The following CALHM3 variants were observed in gnomAD, a reference collection of about 807,000 sequenced individuals.
The protein encoded by CALHM3 is calcium homeostasis modulator 3, also known as calcium homeostasis modulator protein 3.
A neutral mutation model predicts 13.6 loss-of-function variants in CALHM3; 9 were observed. The observed-to-expected ratio is 0.66, with a 90% CI of 0.40 to 1.15. The LOEUF (loss-of-function observed/expected upper bound fraction) is 1.15, where lower values mean the gene tolerates loss of function less well. Ranked by LOEUF, CALHM3 falls within the 50% of genes most tolerant of loss-of-function variation. CALHM3 has a pLI of 0.01. For missense variants in CALHM3, 497 were observed against 463.4 expected, an observed-to-expected ratio of 1.07 and a Z score of -0.67; for synonymous variants, 231 against 213.2, an observed-to-expected ratio of 1.08 and a Z score of -0.73.
In CALHM3 at chr10:103,473,539, C is replaced by G. The variant is rs1296336998; in HGVS notation, c.709G>C (p.Asp237His). 3 of 1,551,186 alleles carry G rather than the reference C, an allele frequency of 1.9e-6. No homozygotes were observed. Among genetic ancestry groups the G allele is most frequent in the Admixed American group, 3.9e-5 (2 of 51,016 alleles). ...TGCAGCACGCAGCGGTGCGCGAAGT[C>G]CCGCGCATGCTCACAGCAGGTCTCG... The part of the protein sequence containing the change: ...FDETCCEHAR[D>H]FAHRCVLHFF... Residue 237 changes from aspartate (D) to histidine (H), a missense_variant, in exon 3 of 3, where the codon GAC (aspartate) becomes CAC (histidine). Transcript: ENST00000369783.
chr10:103,478,767 C>G lies in CALHM3; in HGVS notation c.266G>C (p.Arg89Thr). 1 of 1,540,310 alleles carries G rather than the reference C, an allele frequency of 6.5e-7. No individual in the cohort carries two copies. Among genetic ancestry groups the G allele is most frequent in the South Asian group, 1.2e-5 (1 of 82,036 alleles). ...EEWRRPAGHRRKDPGIIRYMC... is the reference protein window; with the variant it reads ...EEWRRPAGHRTKDPGIIRYMC... ...GCACCTGATGATGCCTGGGTCCTTCCTCCGGTGCCCTGCGGGCCGGCGCCA... is the reference window on the plus strand; with the variant it reads ...GCACCTGATGATGCCTGGGTCCTTCGTCCGGTGCCCTGCGGGCCGGCGCCA... The change falls in exon 1 of 3, where the codon AGG (arginine) becomes ACG (threonine). Residue 89 changes from arginine (R) to threonine (T), a missense_variant. Arg to Thr is a moderately conservative substitution (Grantham distance 71, BLOSUM62 -1). Coordinates refer to ENST00000369783, the MANE Select transcript of CALHM3 (RefSeq NM_001129742.2).
intron 2 of CALHM3, among the ~76,000 whole-genome samples, chr10:103,475,230 T>A (rs980967015): frequency 6.6e-6 from 1 of 152,198 alleles, no homozygotes; most frequent in African/African-American, 2.4e-5. Context: ...CAGGGACATA[T>A]TTGAATCCTT....
At position 103,479,136 on chromosome 10, in the gene CALHM3, G is replaced by C; in HGVS notation, c.-104C>G. 3.1e-6 allele frequency: 4 copies of C among 1,298,872 alleles called. No individual in the cohort carries two copies. The highest frequency in any genetic ancestry group is 4.2e-6 in the Non-Finnish European group (4 of 959,592). 80.5% of individuals were successfully genotyped at this position (1,298,872 alleles called of 1,614,324 possible). A position where few individuals can be genotyped will look rare whatever the true frequency, so the allele number is the denominator to read the frequency against. On this transcript the variant is annotated 5_prime_UTR_variant, in exon 1 of 3. Coordinates refer to ENST00000369783, the MANE Select transcript of CALHM3 (RefSeq NM_001129742.2). ...GGGGACGAGCCTGGGATCTGCAAGA[G>C]GTTCTCTCTCTGCTTCCAAGGGCCT...
chr10:103,473,545 C>G lies in CALHM3; in HGVS notation c.703G>C (p.Ala235Pro). 1 of 1,551,232 alleles carries G rather than the reference C, an allele frequency of 6.4e-7. No homozygotes were observed. The highest frequency in any genetic ancestry group is 2.4e-5 in the East Asian group (1 of 40,922). ...KLFDETCCEH[A>P]RDFAHRCVLH... ...ACGCAGCGGTGCGCGAAGTCCCGCG[C>G]ATGCTCACAGCAGGTCTCGTCGAAG... Residue 235 changes from alanine to proline, a missense_variant, in exon 3 of 3, where the codon GCG (alanine) becomes CCG (proline). Ala to Pro is a conservative substitution (Grantham distance 27). Transcript: ENST00000369783.
chr10:103,474,638 A>G (rs957912385), intron 2 of CALHM3, among the ~76,000 whole-genome samples: 1 of 152,214 alleles, frequency 6.6e-6, no homozygotes, highest in African/African-American at 2.4e-5. Context: ...TATTTTTAGT[A>G]GAGACGAGGT....
chr10:103,476,152 AG>A, intron 2 of CALHM3, 141 bp downstream of exon 2: 8 of 1,099,130 alleles, frequency 7.3e-6, no homozygotes, highest in Non-Finnish European at 1.0e-5. Context: ...AAGGCAGAGC[AG>A]TGGTCTCCAG....
Position 103,476,315 on chromosome 10 carries a change from G to A in CALHM3, c.522C>T (p.Arg174=). 1 of 1,551,498 alleles carries A rather than the reference G, an allele frequency of 6.4e-7. No individual in the cohort carries two copies. The highest frequency in any genetic ancestry group is 2.4e-5 in the East Asian group (1 of 40,912). The change falls in exon 2 of 3, where the codon CGC becomes CGT. Residue 174 remains arginine (R), a synonymous_variant. Coordinates refer to ENST00000369783, the MANE Select transcript of CALHM3 (RefSeq NM_001129742.2). ...TTACCTGTGACAGGCACCGCAGGTA[G>A]CGAGACACTGCCTTCCGAGCAGGGC... ...RDSPARKAVS[R]YLRCLSQAIG...
intron 2 of CALHM3, 136 bp from the exon 3 acceptor site, chr10:103,473,840 G>T (rs2033358890): frequency 1.7e-6 from 2 of 1,143,464 alleles, no homozygotes; most frequent in Non-Finnish European, 2.4e-6. Flanking sequence ...ATTTTCCAAT[G>T]GATTCAAATA....
chr10:103,475,787 A>G (rs1280237955), intron 2 of CALHM3, among the ~76,000 whole-genome samples: 2 of 152,182 alleles, frequency 1.3e-5, no homozygotes, highest in Admixed American at 6.5e-5. Flanking sequence ...TGGAATCTGG[A>G]GTCTAGGCTG....
chr10:103,473,556 C>T lies in CALHM3; in HGVS notation c.692G>A (p.Cys231Tyr), dbSNP rs1395542514. The T allele has an allele frequency of 7.7e-6, 12 of 1,551,182 alleles. No homozygotes were observed. The highest frequency in any genetic ancestry group is 9.6e-6 in the Non-Finnish European group (11 of 1,147,032). Residue 231 changes from cysteine to tyrosine, a missense_variant, in exon 3 of 3, where the codon TGC (cysteine) becomes TAC (tyrosine). Cys to Tyr is a radical substitution (Grantham distance 194). Transcript: ENST00000369783. Reference sequence around the variant, plus strand: ...CGCGAAGTCCCGCGCATGCTCACAGCAGGTCTCGTCGAAGAGCTTCTGCTC... The same window carrying T: ...CGCGAAGTCCCGCGCATGCTCACAGTAGGTCTCGTCGAAGAGCTTCTGCTC... Reference protein sequence around the residue: ...DLEQKLFDETCCEHARDFAHR... With the variant: ...DLEQKLFDETYCEHARDFAHR...
In CALHM3 at chr10:103,473,261, G is replaced by T; in HGVS notation, c.987C>A (p.Ala329=). ...GLCGGGLSHR[A]PTLALGTRLS... ...GCCTCGTGCCCAGTGCCAAGGTAGG[G>T]GCGCGGTGGCTAAGGCCACCCCCGC... The change falls in exon 3 of 3, where the codon GCC becomes GCA. Residue 329 remains alanine, a synonymous_variant. Coordinates refer to ENST00000369783, the MANE Select transcript of CALHM3 (RefSeq NM_001129742.2). 1 of 1,449,512 alleles carries T rather than the reference G, an allele frequency of 6.9e-7. No individual in the cohort carries two copies. Among genetic ancestry groups the T allele is most frequent in the Non-Finnish European group, 9.1e-7 (1 of 1,098,216 alleles). The allele number at this position is 1,449,512 out of a possible 1,614,324, so 89.8% of individuals were successfully genotyped here. A position where few individuals can be genotyped will look rare whatever the true frequency, so the allele number is the denominator to read the frequency against.
In CALHM3 at chr10:103,473,393, C is replaced by T; in HGVS notation, c.855G>A (p.Gly285=). 6.7e-7 allele frequency: 1 copy of T among 1,487,782 alleles called. No individual in the cohort carries two copies. The allele number at this position is 1,487,782 out of a possible 1,614,324, so 92.2% of individuals were successfully genotyped here. Residue 285 remains glycine (G), a synonymous_variant, in exon 3 of 3, where the codon GGG becomes GGA. Coordinates refer to ENST00000369783, the MANE Select transcript of CALHM3 (RefSeq NM_001129742.2). ...TGGAGATTGCGCGCAGGTGGGCCTT[C>T]CCACTTCCACTATCCAGGCCTTCTG... ...EPPEGLDSGS[G]KAHLRAISSR...
rs1242939594 is a variant in CALHM3, at chr10:103,472,820, T to G, written c.*393A>C. The G allele has an allele frequency of 2.2e-5, 4 of 185,332 alleles. No individual in the cohort carries two copies. Among genetic ancestry groups the G allele is most frequent in the Non-Finnish European group, 4.4e-5 (4 of 90,848 alleles). The allele number at this position is 185,332 out of a possible 1,614,324, so 11.5% of individuals were successfully genotyped here. ...AAATGAAACTATCGAGGCAGCAGAC[T>G]AAGGTCATTATTATTATTTAGAATT... On this transcript the variant is annotated 3_prime_UTR_variant, in exon 3 of 3. Transcript: ENST00000369783.
Position 103,476,404 on chromosome 10 carries a change from G to C in CALHM3, c.433C>G (p.Pro145Ala). The change falls in exon 2 of 3, where the codon CCC (proline) becomes GCC (alanine). Residue 145 changes from proline to alanine, a missense_variant. Coordinates refer to ENST00000369783, the MANE Select transcript of CALHM3 (RefSeq NM_001129742.2). ...GCCAGGAAGAGCTGTACCTGGCTGGGGGTCATGTTGGCAAAGTCCAGAAAC... is the reference window on the plus strand; with the variant it reads ...GCCAGGAAGAGCTGTACCTGGCTGGCGGTCATGTTGGCAAAGTCCAGAAAC... ...EKFLDFANMT[P>A]SQVQLFLAKV... The C allele has an allele frequency of 1.3e-6, 2 of 1,551,734 alleles. No individual in the cohort carries two copies. Among genetic ancestry groups the C allele is most frequent in the Non-Finnish European group, 1.7e-6 (2 of 1,146,992 alleles).
At position 103,472,978 on chromosome 10, in the gene CALHM3, C is replaced by T; in HGVS notation, c.*235G>A. The T allele has an allele frequency of 2.4e-6, 1 of 408,978 alleles. No individual in the cohort carries two copies. Among genetic ancestry groups the T allele is most frequent in the Non-Finnish European group, 4.2e-6 (1 of 237,886 alleles). 25.3% of individuals were successfully genotyped at this position (408,978 alleles called of 1,614,324 possible). On this transcript the variant is annotated 3_prime_UTR_variant, in exon 3 of 3. Coordinates refer to ENST00000369783, the MANE Select transcript of CALHM3 (RefSeq NM_001129742.2). The stretch of plus-strand genomic sequence containing the variant: ...AGAATCTCAGACTCGGTCCTGGCTA[C>T]ACTGTCTGAACCTGTATTTAACAAG...
rs1388267231 is a variant in CALHM3, at chr10:103,476,362, C to T, written c.475G>A (p.Glu159Lys). The T allele has an allele frequency of 1.9e-6, 3 of 1,551,738 alleles. No homozygotes were observed. Among genetic ancestry groups the T allele is most frequent in the Non-Finnish European group, 2.6e-6 (3 of 1,147,006 alleles). ...GGGCTATCCCTGACCAGCTCATCCT[C>T]CTTGCAGGGAACCTTGGCCAGGAAG... is the stretch of plus-strand genomic sequence containing the variant. Reference protein sequence around the residue: ...QLFLAKVPCKEDELVRDSPAR... With the variant: ...QLFLAKVPCKKDELVRDSPAR... The change falls in exon 2 of 3, where the codon GAG (glutamate) becomes AAG (lysine). Residue 159 changes from glutamate (E) to lysine (K), a missense_variant. Physicochemically the swap from Glu to Lys is moderately conservative, Grantham distance 56. Transcript: ENST00000369783.
In CALHM3 at chr10:103,473,467, G is replaced by GGCGCAGCCCCC; in HGVS notation, c.770_780dup (p.Arg261GlyfsTer46). ...TCGAGTCTCCTGCCTGCATTGCCCC[G>GGCGCAGCCCCC]GCGCAGCCCCCGCGCCTGCAGCTCA... is the stretch of plus-strand genomic sequence containing the variant. On this transcript the variant is annotated frameshift_variant, in exon 3 of 3. Coordinates refer to ENST00000369783, the MANE Select transcript of CALHM3 (RefSeq NM_001129742.2). LOFTEE classifies it low-confidence loss of function (END_TRUNC). 1 of 1,543,210 alleles carries GGCGCAGCCCCC rather than the reference G, an allele frequency of 6.5e-7. No individual in the cohort carries two copies. The highest frequency in any genetic ancestry group is 8.7e-7 in the Non-Finnish European group (1 of 1,143,996).
chr10:103,479,021 G>C lies in CALHM3; in HGVS notation c.12C>G (p.Phe4Leu). 1 of 1,549,956 alleles carries C rather than the reference G, an allele frequency of 6.5e-7. No individual in the cohort carries two copies. Residue 4 changes from phenylalanine to leucine, a missense_variant, in exon 1 of 3, where the codon TTC becomes TTG. Coordinates refer to ENST00000369783, the MANE Select transcript of CALHM3 (RefSeq NM_001129742.2). MDK[F>L]RMLFQHFQSS... is the part of the protein sequence containing the mutation. ...ACTGGAAGTGCTGGAAGAGCATGCGGAATTTATCCATGGCTCCAGCCTGGG... is the reference window on the plus strand; with the variant it reads ...ACTGGAAGTGCTGGAAGAGCATGCGCAATTTATCCATGGCTCCAGCCTGGG...
At chr10:103,474,613 C>T (rs1357018428) in intron 2 of CALHM3, among the ~76,000 whole-genome samples, 4 of 152,138 alleles carry the variant, frequency 2.6e-5, no homozygotes, top group Non-Finnish European at 5.9e-5. Context: ...CACCACCATG[C>T]CCAACAAATT....
Sources: gnomAD v4.1 joint callset for allele counts (sites outside exome capture counted in the v4.1 genomes callset) on GRCh38, gnomAD v4.1.1 for gene constraint, MANE v1.5 for transcripts, NCBI Gene and HGNC (gene_info 2026-07-23, HGNC 2026-07-21) for gene names.